Variants in GPC6 observed in about 807,000 individuals in gnomAD.
The protein encoded by GPC6 is glypican-6.
GPC6 carries 14 observed loss-of-function variants against 55.2 expected under a neutral mutation model. That is an observed-to-expected ratio of 0.25 (90% CI 0.17 to 0.40). GPC6 has a LOEUF of 0.40. GPC6 is among the 10% of genes least tolerant of loss of function. GPC6 has a pLI of 1.00. For synonymous variants in GPC6, 278 were observed against 259.6 expected (o/e 1.07, Z -0.68); for missense variants, 641 against 708.5 (o/e 0.90, Z 1.08).
At chr13:93,414,700 A>G (rs1804316505) in intron 1 of GPC6, among the ~76,000 whole-genome samples, 1 of 152,144 alleles carries the variant, frequency 6.6e-6, no homozygotes, top group Admixed American at 6.6e-5. Context: ...ATAGGCGATT[A>G]CTGTAAAAGA....
At chr13:94,002,562 T>C (rs1033649756) in intron 3 of GPC6, among the ~76,000 whole-genome samples, 2 of 152,126 alleles carry the variant, frequency 1.3e-5, no homozygotes, top group African/African-American at 4.8e-5. Flanking sequence ...ATCAATATAG[T>C]AGAGAGACAC....
intron 1 of GPC6, among the ~76,000 whole-genome samples, chr13:93,324,561 T>TATATATATATACACACATACATAC (rs1491504210): frequency 8.6e-4 from 107 of 123,792 alleles, no homozygotes; most frequent in African/African-American, 3.8e-3. Flanking sequence ...TATATATGTG[T>TATATATATATACACACATACATAC]ATATATATAT....
intron 4 of GPC6, among the ~76,000 whole-genome samples, chr13:94,246,071 G>C (rs1014175273): frequency 5.3e-5 from 8 of 152,022 alleles, no homozygotes; most frequent in Non-Finnish European, 1.2e-4. Context: ...ATATGAGGTG[G>C]TATCTCATAG....
At chr13:93,404,458 T>G (rs1337146105) in intron 1 of GPC6, among the ~76,000 whole-genome samples, 1 of 152,040 alleles carries the variant, frequency 6.6e-6, no homozygotes, top group Non-Finnish European at 1.5e-5. Context: ...GCCACAGGAG[T>G]GTTATTCCAG....
At chr13:93,520,906 C>T (rs1194696582) in intron 1 of GPC6, among the ~76,000 whole-genome samples, 1 of 151,882 alleles carries the variant, frequency 6.6e-6, no homozygotes, top group Non-Finnish European at 1.5e-5. Flanking sequence ...CTTTTTACTT[C>T]TGTCTCGGAA....
intron 2 of GPC6, among the ~76,000 whole-genome samples, chr13:93,819,720 G>T (rs1886978937): frequency 6.6e-6 from 1 of 152,178 alleles, no homozygotes; most frequent in Non-Finnish European, 1.5e-5. Flanking sequence ...TTTGCTTTTA[G>T]CAGCAACCAT....
At chr13:94,053,596 TG>T (rs1884030781) in intron 4 of GPC6, among the ~76,000 whole-genome samples, 1 of 152,174 alleles carries the variant, frequency 6.6e-6, no homozygotes, top group Admixed American at 6.6e-5. Flanking sequence ...CAATCACACT[TG>T]TCCCAACATA....
intron 3 of GPC6, among the ~76,000 whole-genome samples, chr13:94,015,869 T>TA (rs1194063115): frequency 6.6e-6 from 1 of 152,230 alleles, no homozygotes; most frequent in Non-Finnish European, 1.5e-5. Flanking sequence ...TGTCTGTTCT[T>TA]ACACCAGTAC....
At chr13:94,157,341 C>G (rs866752580) in intron 4 of GPC6, among the ~76,000 whole-genome samples, 19 of 152,104 alleles carry the variant, frequency 1.2e-4, no homozygotes, top group African/African-American at 4.1e-4. Context: ...TAAAAATGGG[C>G]ATTGCTTTTG....
At chr13:93,590,661 A>G (rs1210608968) in intron 2 of GPC6, among the ~76,000 whole-genome samples, 1 of 152,184 alleles carries the variant, frequency 6.6e-6, no homozygotes, top group African/African-American at 2.4e-5. Flanking sequence ...TGCATATACA[A>G]TTATGTCAGT....
intron 2 of GPC6, among the ~76,000 whole-genome samples, chr13:93,770,806 C>T (rs1188323118): frequency 6.6e-6 from 1 of 152,260 alleles, no homozygotes; most frequent in East Asian, 1.9e-4. Flanking sequence ...GACCCACTTC[C>T]TCTAGAAATA....
At chr13:93,765,188 T>G (rs1238786318) in intron 2 of GPC6, among the ~76,000 whole-genome samples, 1 of 52,680 alleles carries the variant, frequency 1.9e-5, no homozygotes, top group Non-Finnish European at 4.3e-5. Flanking sequence ...ATAAACACAT[T>G]TTTATAGACC....
intron 1 of GPC6, among the ~76,000 whole-genome samples, chr13:93,385,630 T>C (rs1002008539): frequency 3.9e-5 from 6 of 152,172 alleles, no homozygotes; most frequent in African/African-American, 1.2e-4. Context: ...GAAATGACAG[T>C]TGGAGAACAC....
At chr13:93,938,359 A>G (rs1038460083) in intron 3 of GPC6, among the ~76,000 whole-genome samples, 4 of 152,194 alleles carry the variant, frequency 2.6e-5, no homozygotes, top group African/African-American at 9.6e-5. Flanking sequence ...TTGAACTTCA[A>G]TGATTCTTTC....
chr13:94,374,498 CAAG>C (rs1879742867), intron 6 of GPC6, among the ~76,000 whole-genome samples: 2 of 139,034 alleles, frequency 1.4e-5, no homozygotes, highest in African/African-American at 5.5e-5. Flanking sequence ...ATCAATTCAA[CAAG>C]AAGAGCTAAC....
intron 2 of GPC6, among the ~76,000 whole-genome samples, chr13:93,736,980 G>A (rs543070534): frequency 6.6e-6 from 1 of 152,134 alleles, no homozygotes; most frequent in Admixed American, 6.5e-5. Flanking sequence ...AAGATAAAAG[G>A]CATGAGGAAA....
chr13:94,164,022 A>T (rs1395602794), intron 4 of GPC6, among the ~76,000 whole-genome samples: 21 of 152,230 alleles, frequency 1.4e-4, no homozygotes, highest in Admixed American at 1.4e-3. Context: ...ATTAACTCTT[A>T]TCTATGAGAT....
At chr13:93,432,959 A>AAG (rs1877421180) in intron 1 of GPC6, among the ~76,000 whole-genome samples, 1 of 134 alleles carries the variant, frequency 7.5e-3, no homozygotes, top group Non-Finnish European at 0.036. Flanking sequence ...AAAGGAAAGA[A>AAG]AAAAGAAGAG....
chr13:94,165,507 G>C (rs1021872118), intron 4 of GPC6, among the ~76,000 whole-genome samples: 2 of 151,858 alleles, frequency 1.3e-5, no homozygotes, highest in African/African-American at 4.8e-5. Context: ...TGGTGGGAGG[G>C]GGTGAGGGAT....
Sources: gnomAD v4.1 joint callset for allele counts (sites outside exome capture counted in the v4.1 genomes callset) on GRCh38, gnomAD v4.1.1 for gene constraint, MANE v1.5 for transcripts, NCBI Gene and HGNC (gene_info 2026-07-23, HGNC 2026-07-21) for gene names.